Variants in GPHN observed in about 807,000 individuals in gnomAD.
GPHN encodes the protein gephyrin.
In GPHN, 17 loss-of-function variants were observed where a neutral mutation model predicts 95.5. The ratio of observed to expected loss-of-function variants is 0.18; its 90% CI spans 0.12 to 0.27. The LOEUF is 0.27. Among genes scored for constraint, GPHN ranks in the 10% least tolerant of loss-of-function variants. GPHN has a pLI of 1.00. For synonymous variants in GPHN, 320 were observed against 322.5 expected, an observed-to-expected ratio of 0.99 and a Z score of 0.08; for missense variants, 660 against 978.1, an observed-to-expected ratio of 0.67 and a Z score of 4.34.
chr14:67,325,870 G>A, the GPHN span, among the ~76,000 whole-genome samples: 14 of 150,706 alleles, frequency 9.3e-5, no homozygotes, highest in South Asian at 2.1e-4. Flanking sequence ...ATGCAGTGGC[G>A]TAATCTTGGC....
intron 2 of GPHN, among the ~76,000 whole-genome samples, chr14:66,682,516 C>T (rs2066998050): frequency 6.6e-6 from 1 of 152,140 alleles, no homozygotes. Flanking sequence ...CTTTGGGAGG[C>T]TGAGGTGGGT....
chr14:66,629,173 A>G (rs371255220), intron 1 of GPHN, among the ~76,000 whole-genome samples: 1 of 90,626 alleles, frequency 1.1e-5, no homozygotes, highest in Non-Finnish European at 2.0e-5. Context: ...ATATAAATAT[A>G]TATATACATA....
chr14:67,340,032 C>CAA, the GPHN span: 16,067 of 71,506 alleles, frequency 0.22, 1,842 homozygotes, highest in East Asian at 0.49. Context: ...CTCTGTCTCA[C>CAA]AAAAAAAAAA....
chr14:66,924,364 G>T, intron 8 of GPHN, 72 bp downstream of exon 8: 1 of 831,812 alleles, frequency 1.2e-6, no homozygotes, highest in East Asian at 2.5e-5. Context: ...GAGATAGGCT[G>T]TAACATATGG....
At chr14:67,537,865 G>T in the GPHN span, among the ~76,000 whole-genome samples, 12 of 152,110 alleles carry the variant, frequency 7.9e-5, no homozygotes, top group African/African-American at 2.9e-4. Context: ...CCCACTGACT[G>T]CTGTGGCATT....
At chr14:66,871,067 C>T (rs1438811634) in intron 4 of GPHN, among the ~76,000 whole-genome samples, 2 of 152,164 alleles carry the variant, frequency 1.3e-5, no homozygotes, top group Non-Finnish European at 2.9e-5. Flanking sequence ...CTCTTTTAGG[C>T]AATTCTCACG....
chr14:66,947,841 G>C (rs1325549369), intron 8 of GPHN, among the ~76,000 whole-genome samples: 1 of 152,136 alleles, frequency 6.6e-6, no homozygotes, highest in African/African-American at 2.4e-5. Context: ...TGTTGTCCTA[G>C]CTATTTGGGA....
At chr14:66,603,303 A>G (rs996047222) in intron 1 of GPHN, among the ~76,000 whole-genome samples, 2 of 151,832 alleles carry the variant, frequency 1.3e-5, no homozygotes, top group African/African-American at 4.8e-5. Context: ...TGATGTATAC[A>G]TTTTCAGGGT....
chr14:67,117,230 A>G (rs1172064049), intron 16 of GPHN, among the ~76,000 whole-genome samples: 1 of 152,224 alleles, frequency 6.6e-6, no homozygotes, highest in African/African-American at 2.4e-5. Flanking sequence ...ACCAGTTCAA[A>G]TAGTATCTTG....
At chr14:67,274,407 G>C in the GPHN span, among the ~76,000 whole-genome samples, 2 of 152,202 alleles carry the variant, frequency 1.3e-5, no homozygotes, top group Admixed American at 1.3e-4. Flanking sequence ...GTTTTTGTCA[G>C]GTTTGTCAAA....
chr14:66,874,872 G>C (rs956640785), intron 4 of GPHN, among the ~76,000 whole-genome samples: 1 of 152,140 alleles, frequency 6.6e-6, no homozygotes, highest in East Asian at 1.9e-4. Flanking sequence ...AACGTAGCAA[G>C]ACAGGCCAGC....
chr14:66,606,370 T>C (rs989029405), intron 1 of GPHN, among the ~76,000 whole-genome samples: 1 of 152,168 alleles, frequency 6.6e-6, no homozygotes, highest in Non-Finnish European at 1.5e-5. Context: ...TTTGTACCAG[T>C]CCCGTGCTAT....
At chr14:67,185,234 T>C (rs559032268), downstream of GPHN, among the ~76,000 whole-genome samples, 7 of 152,220 alleles carry the variant, frequency 4.6e-5, no homozygotes, top group South Asian at 1.5e-3. Flanking sequence ...GTGGTGGGCA[T>C]GTTAACAATG....
At chr14:67,290,584 G>GA in the GPHN span, among the ~76,000 whole-genome samples, 2 of 152,236 alleles carry the variant, frequency 1.3e-5, no homozygotes, top group East Asian at 3.8e-4. Context: ...TTTAAAAAGA[G>GA]ACAGGATCTC....
chr14:67,587,392 G>A, the GPHN span: 5 of 803,562 alleles, frequency 6.2e-6, no homozygotes, highest in Non-Finnish European at 1.0e-5. Flanking sequence ...TTACTCTCTA[G>A]GTGCCTTATA....
chr14:66,729,861 G>A (rs1289001107), intron 2 of GPHN, among the ~76,000 whole-genome samples: 2 of 152,120 alleles, frequency 1.3e-5, no homozygotes, highest in Non-Finnish European at 2.9e-5. Flanking sequence ...CATTTTTTGT[G>A]TGGAACCATG....
At chr14:67,553,537 A>G in the GPHN span, among the ~76,000 whole-genome samples, 4 of 152,130 alleles carry the variant, frequency 2.6e-5, no homozygotes, top group Non-Finnish European at 5.9e-5. Flanking sequence ...CCAGCCTCTG[A>G]TCTCTTGATT....
At chr14:67,520,431 A>G in the GPHN span, among the ~76,000 whole-genome samples, 1 of 152,216 alleles carries the variant, frequency 6.6e-6, no homozygotes, top group African/African-American at 2.4e-5. Context: ...GTGAAATCAC[A>G]CCATTTAAAG....
intron 8 of GPHN, among the ~76,000 whole-genome samples, chr14:66,958,020 C>T (rs560030242): frequency 6.6e-6 from 1 of 152,312 alleles, no homozygotes; most frequent in South Asian, 2.1e-4. Flanking sequence ...CATAAAAACA[C>T]TCCTTGGTGC....
Sources: gnomAD v4.1 joint callset for allele counts (sites outside exome capture counted in the v4.1 genomes callset) on GRCh38, gnomAD v4.1.1 for gene constraint, MANE v1.5 for transcripts, NCBI Gene and HGNC (gene_info 2026-07-23, HGNC 2026-07-21) for gene names.